The following TRIM37 variants were observed in gnomAD, a reference collection of about 807,000 sequenced individuals.
The protein encoded by TRIM37 is tripartite motif containing 37.
Under a neutral mutation model 129.8 loss-of-function variants are expected in TRIM37, and 80 were observed. That is an observed-to-expected ratio of 0.62 (90% confidence interval 0.51 to 0.74). TRIM37 has a LOEUF of 0.74. Among genes scored for constraint, TRIM37 ranks in the 30% least tolerant of loss-of-function variants. TRIM37 has a pLI of 0.00. For missense variants in TRIM37, 1,054 were observed against 1,176.5 expected, an observed-to-expected ratio of 0.90 and a Z score of 1.52; for synonymous variants, 389 against 387.1, an observed-to-expected ratio of 1.00 and a Z score of -0.06.
chr17:58,980,627 G>A (rs148760609), downstream of TRIM37: 20 of 1,614,196 alleles, frequency 1.2e-5, no homozygotes, highest in African/African-American at 1.9e-4. The surrounding 1 kb of genome is among the most constrained non-coding windows in gnomAD (Gnocchi z 4.7). Flanking sequence ...TGAATGGAGT[G>A]GTGCTGGAGA....
rs1296088258 is a variant in TRIM37 at position 59,052,775 on chromosome 17, T to C, written c.1200-1447A>G. On this transcript the variant is annotated intron_variant, in intron 13 of 23. Coordinates refer to ENST00000262294, the MANE Select transcript of TRIM37 (RefSeq NM_015294.6). ...TTCGAGACCAGCGTGGCCAACATGGTGAAACCCCGTCTCTACTAAAAGTAC... is the reference window on the plus strand; with the variant it reads ...TTCGAGACCAGCGTGGCCAACATGGCGAAACCCCGTCTCTACTAAAAGTAC... 2.6e-5 allele frequency among the ~76,000 whole-genome samples: 4 copies of C among 152,026 alleles called. No individual in the cohort carries two copies. The East Asian group carries it at 5.8e-4, about 22-fold the overall frequency.
At chr17:59,102,889 T>C (rs970716859) in intron 2 of TRIM37, among the ~76,000 whole-genome samples, 5 of 152,218 alleles carry the variant, frequency 3.3e-5, no homozygotes, top group African/African-American at 1.2e-4. Context: ...TTTTTTTTTT[T>C]TTGAGACGAA....
rs1032312219 is a variant in TRIM37 at position 59,015,529 on chromosome 17, G to T, written c.2576+81C>A. ...AAATTAACAAGGTAGAAATTAATTT[G>T]TTCATCATGATGCATACTTAAAGTT... is the stretch of plus-strand genomic sequence containing the variant. On this transcript the variant is annotated intron_variant, in intron 21 of 23. Transcript: ENST00000262294. The T allele has an allele frequency of 3.7e-6, 5 of 1,343,102 alleles. No homozygotes were observed. In the Admixed American group the frequency reaches 5.1e-5, roughly 14 times the overall value. 83.2% of individuals were successfully genotyped at this position (1,343,102 alleles called of 1,614,324 possible).
intron 13 of TRIM37, among the ~76,000 whole-genome samples, chr17:59,053,674 A>G (rs185485757): frequency 1.3e-5 from 2 of 152,226 alleles, no homozygotes; most frequent in East Asian, 3.8e-4. Flanking sequence ...GGTAAAATTG[A>G]TGTTTGAATA....
intron 16 of TRIM37, among the ~76,000 whole-genome samples, chr17:59,043,146 A>C (rs2039435656): frequency 2.0e-5 from 3 of 152,232 alleles, no homozygotes; most frequent in African/African-American, 7.2e-5. Context: ...TCTCATGTTA[A>C]AAAACAATCA....
intron 4 of TRIM37, among the ~76,000 whole-genome samples, chr17:59,085,807 GATGA>G (rs1318412167): frequency 6.6e-6 from 1 of 152,062 alleles, no homozygotes; most frequent in Non-Finnish European, 1.5e-5. Flanking sequence ...TTCACTGAGA[GATGA>G]ATGGACAAAA....
intron 24 of TRIM37, chr17:58,982,946 A>T (rs368755164): frequency 1.3e-6 from 2 of 1,568,828 alleles, no homozygotes; most frequent in Non-Finnish European, 1.7e-6. Context: ...AAACAAAGGC[A>T]GCAGACTATT....
the TRIM37 span, among the ~76,000 whole-genome samples, chr17:58,974,031 G>A: frequency 6.6e-6 from 1 of 151,854 alleles, no homozygotes; most frequent in Admixed American, 6.6e-5. Flanking sequence ...AGGAGGCTGA[G>A]GCGGAAGGAT....
intron 17 of TRIM37, among the ~76,000 whole-genome samples, chr17:59,036,135 C>CAAT (rs1294456762): frequency 6.6e-6 from 1 of 152,038 alleles, no homozygotes; most frequent in Non-Finnish European, 1.5e-5. Context: ...GGTCCAGGTG[C>CAAT]AATAGCTCAC....
At chr17:59,104,434 T>C (rs1334888522) in intron 1 of TRIM37, 40 bp from the exon 2 acceptor site, 1 of 1,574,782 alleles carries the variant, frequency 6.4e-7, no homozygotes, top group Non-Finnish European at 8.7e-7. Context: ...CAGTTTAGGC[T>C]ACTGAATCAA....
intron 7 of TRIM37, among the ~76,000 whole-genome samples, chr17:59,078,176 T>C (rs1202722422): frequency 2.0e-5 from 3 of 152,056 alleles, no homozygotes; most frequent in Non-Finnish European, 4.4e-5. Flanking sequence ...TGGTATGAAT[T>C]AAAAATCTGA....
intron 2 of TRIM37, among the ~76,000 whole-genome samples, chr17:59,097,113 C>T (rs542941321): frequency 6.6e-6 from 1 of 152,160 alleles, no homozygotes; most frequent in African/African-American, 2.4e-5. Flanking sequence ...AGGGAACTTC[C>T]TCAACTTGAT....
intron 2 of TRIM37, among the ~76,000 whole-genome samples, chr17:59,095,472 G>A (rs1272682168): frequency 6.6e-6 from 1 of 152,164 alleles, no homozygotes; most frequent in South Asian, 2.1e-4. Context: ...AGATGGCAAG[G>A]TTGCAGGGAA....
At chr17:58,975,947 A>G in the TRIM37 span, among the ~76,000 whole-genome samples, 2 of 152,226 alleles carry the variant, frequency 1.3e-5, no homozygotes, top group Admixed American at 6.5e-5. Context: ...CTACTAATCA[A>G]CAAACAATCT....
At chr17:59,012,239 C>T in intron 22 of TRIM37, 89 bp downstream of exon 22, 1 of 531,812 alleles carries the variant, frequency 1.9e-6, no homozygotes, top group Non-Finnish European at 3.1e-6. Flanking sequence ...ACCACCACCA[C>T]CACCACCACC....
At chr17:59,093,902 A>G (rs949065394) in intron 2 of TRIM37, among the ~76,000 whole-genome samples, 1 of 151,720 alleles carries the variant, frequency 6.6e-6, no homozygotes, top group Non-Finnish European at 1.5e-5. Context: ...TAATTTATTT[A>G]TTTATTTTTT....
At chr17:59,093,779 T>C (rs370347058) in intron 2 of TRIM37, among the ~76,000 whole-genome samples, 2 of 152,214 alleles carry the variant, frequency 1.3e-5, no homozygotes, top group African/African-American at 4.8e-5. Flanking sequence ...CCATATCCCG[T>C]CTCATAGAAA....
intron 3 of TRIM37, among the ~76,000 whole-genome samples, chr17:59,089,391 C>T (rs2044071251): frequency 6.6e-6 from 1 of 152,110 alleles, no homozygotes; most frequent in South Asian, 2.1e-4. Flanking sequence ...ACCTGTAATC[C>T]CAGCAGTTTG....
chr17:59,000,729 T>C (rs996262582), intron 23 of TRIM37, among the ~76,000 whole-genome samples: 2 of 152,216 alleles, frequency 1.3e-5, no homozygotes, highest in African/African-American at 4.8e-5. Context: ...AATTATTTCA[T>C]AATCTGCATG....
Sources: allele counts gnomAD v4.1 joint callset (sites outside exome capture counted in the v4.1 genomes callset), GRCh38; gene constraint gnomAD v4.1.1; non-coding constraint Gnocchi (gnomAD v3.1); transcripts MANE v1.5; gene names NCBI Gene and HGNC (gene_info 2026-07-23, HGNC 2026-07-21).